NBEA: variants seen among roughly 807,000 people sequenced by gnomAD.
NBEA encodes the protein lysosomal-trafficking regulator 2.
A neutral mutation model predicts 343.4 loss-of-function variants in NBEA; 44 were observed. That is an observed-to-expected ratio of 0.13 (90% CI 0.10 to 0.16). The LOEUF (loss-of-function observed/expected upper bound fraction) is 0.16, where lower values mean the gene tolerates loss of function less well. Ranked by LOEUF, NBEA falls within the 10% of genes least tolerant of loss-of-function variation. The probability of loss-of-function intolerance (pLI) is 1.00; values close to 1 mark genes in which losing one functional copy is unlikely to be tolerated. For missense variants in NBEA, 2,555 were observed against 3,631.3 expected (o/e 0.70, Z 7.62); for synonymous variants, 1,175 against 1,238.7 (o/e 0.95, Z 1.08).
At chr13:35,323,362 C>T (rs1371636087) in intron 36 of NBEA, among the ~76,000 whole-genome samples, 1 of 151,894 alleles carries the variant, frequency 6.6e-6, no homozygotes, top group Non-Finnish European at 1.5e-5. Context: ...GGCACTTATA[C>T]ACCATGGAAT....
intron 40 of NBEA, among the ~76,000 whole-genome samples, chr13:35,456,369 T>A (rs1406277400): frequency 1.3e-5 from 2 of 152,070 alleles, no homozygotes; most frequent in East Asian, 3.8e-4. Context: ...ATGATTATAA[T>A]ATAGAAGTAT....
At position 35,232,474 on chromosome 13, in the gene NBEA, A is replaced by G. The variant is rs1593855916; in HGVS notation, c.5649-18A>G. On this transcript the variant is annotated intron_variant, in intron 33 of 58. Coordinates refer to ENST00000379939, the MANE Select transcript of NBEA (RefSeq NM_001385012.1). The stretch of plus-strand genomic sequence containing the variant: ...TATTGAATTATATTTATTAGTTTTT[A>G]TGTCTTAATTTCAACAGCATCACTG... 11 of 1,488,076 alleles carry G rather than the reference A, an allele frequency of 7.4e-6. No homozygotes were observed. Among genetic ancestry groups the G allele is most frequent in the East Asian group, 2.5e-5 (1 of 40,346 alleles). 92.2% of individuals were successfully genotyped at this position (1,488,076 alleles called of 1,614,324 possible).
intron 44 of NBEA, among the ~76,000 whole-genome samples, chr13:35,560,961 A>G (rs2079832055): frequency 6.6e-6 from 1 of 152,138 alleles, no homozygotes; most frequent in Non-Finnish European, 1.5e-5. Flanking sequence ...ATAAGTTCTG[A>G]TTCAGTAGGC....
chr13:35,377,467 T>C (rs1294830432), intron 38 of NBEA, among the ~76,000 whole-genome samples: 2 of 152,218 alleles, frequency 1.3e-5, no homozygotes. Context: ...TAATCTTGAT[T>C]CACTGTAGTT....
intron 49 of NBEA, among the ~76,000 whole-genome samples, chr13:35,640,826 A>G (rs766308942): frequency 3.9e-5 from 6 of 152,000 alleles, no homozygotes; most frequent in Non-Finnish European, 5.9e-5. Flanking sequence ...TCATTTGTGC[A>G]TAACTCACTT....
chr13:35,537,465 G>GA lies in NBEA; in HGVS notation c.6586-13004dup, dbSNP rs77413636. ...AGTAATAGAGATACAGTAATGAGAA[G>GA]AAAAAAAATGGTCAAAAAGCTTATA... On this transcript the variant is annotated intron_variant, in intron 41 of 58. Coordinates refer to ENST00000379939, the MANE Select transcript of NBEA (RefSeq NM_001385012.1). 5.9e-5 allele frequency among the ~76,000 whole-genome samples: 9 copies of GA among 151,410 alleles called. No individual in the cohort carries two copies. The South Asian group carries it at 1.0e-3, about 18-fold the overall frequency.
At chr13:35,291,837 T>C (rs1303867092) in intron 35 of NBEA, among the ~76,000 whole-genome samples, 2 of 151,896 alleles carry the variant, frequency 1.3e-5, no homozygotes, top group Non-Finnish European at 2.9e-5. Context: ...GCCTCAGATA[T>C]TGATTGAAAG....
chr13:35,551,417 T>C (rs1291835378), intron 43 of NBEA, among the ~76,000 whole-genome samples: 1 of 152,204 alleles, frequency 6.6e-6, no homozygotes, highest in African/African-American at 2.4e-5. Flanking sequence ...TAAATGCTTC[T>C]TAATTAAAAC....
chr13:35,420,649 TG>T, intron 38 of NBEA, among the ~76,000 whole-genome samples: 1 of 152,148 alleles, frequency 6.6e-6, no homozygotes, highest in East Asian at 1.9e-4. Flanking sequence ...CCTGGAGATT[TG>T]GGGAAAGAGG....
chr13:35,567,106 T>A, intron 45 of NBEA, 89 bp downstream of exon 45: 1 of 625,782 alleles, frequency 1.6e-6, no homozygotes, highest in Non-Finnish European at 2.7e-6. Context: ...CAGTTAATGT[T>A]TGTAAGAAGG....
chr13:35,175,024 C>A (rs918277054), intron 27 of NBEA, among the ~76,000 whole-genome samples: 14 of 151,902 alleles, frequency 9.2e-5, no homozygotes, highest in Non-Finnish European at 1.9e-4. Context: ...ATCTCTTGAC[C>A]TCATGATCAC....
In NBEA at chr13:35,084,461, A is replaced by G. The variant is rs559563468; in HGVS notation, c.1571+13609A>G. Among the ~76,000 whole-genome samples the G allele has an allele frequency of 3.0e-4, 46 of 152,332 alleles. No homozygotes were observed. In the South Asian group the frequency reaches 8.5e-3, roughly 28 times the overall value. On this transcript the variant is annotated intron_variant, in intron 10 of 58. Transcript: ENST00000379939. ...AACCGCTCAACTACATGGAAACTGA[A>G]CAACCTGCTCCTGAATGACTACTGG...
intron 42 of NBEA, 56 bp downstream of exon 42, chr13:35,550,650 T>G (rs771356824): frequency 1.9e-6 from 2 of 1,069,944 alleles, no homozygotes; most frequent in East Asian, 4.9e-5. Context: ...TATTATTCAT[T>G]TACATGGTAT....
intron 48 of NBEA, among the ~76,000 whole-genome samples, chr13:35,619,446 T>G (rs769268423): frequency 1.9e-4 from 29 of 152,104 alleles, no homozygotes; most frequent in Non-Finnish European, 3.5e-4. Flanking sequence ...ACAGCAGAAC[T>G]GCAACCGCTT....
Position 35,160,025 on chromosome 13 carries a change from C to T in NBEA, c.3854C>T (p.Thr1285Met), listed in dbSNP as rs751732631. ...KEIRKIQTTT[T>M]TQAVQGRSIT... Reference sequence around the variant, plus strand: ...ATCCGAAAAATCCAAACAACTACTACGACACAAGTAAGCTACCTTATATGA... The same window carrying T: ...ATCCGAAAAATCCAAACAACTACTATGACACAAGTAAGCTACCTTATATGA... The change falls in exon 22 of 59, where the codon ACG becomes ATG. Residue 1285 changes from threonine (T) to methionine (M), a missense_variant. This residue lies in a region of NBEA where 367 missense variants were observed against 377.5 expected (regional missense o/e 0.97). Transcript: ENST00000379939. The T allele has an allele frequency of 1.9e-6, 3 of 1,572,054 alleles. No homozygotes were observed. Among genetic ancestry groups the T allele is most frequent in the Non-Finnish European group, 1.7e-6 (2 of 1,162,058 alleles).
intron 38 of NBEA, among the ~76,000 whole-genome samples, chr13:35,385,510 G>A (rs1189068064): frequency 6.6e-6 from 1 of 152,034 alleles, no homozygotes; most frequent in South Asian, 2.1e-4. Context: ...ACCAGCCTGG[G>A]CAACATAGCA....
intron 1 of NBEA, among the ~76,000 whole-genome samples, chr13:34,950,771 A>G (rs1012261754): frequency 9.2e-5 from 14 of 152,122 alleles, no homozygotes; most frequent in African/African-American, 2.7e-4. Flanking sequence ...AAGGCAACAG[A>G]TAACATGAAA....
intron 41 of NBEA, among the ~76,000 whole-genome samples, chr13:35,489,066 G>A (rs1298032926): frequency 6.6e-6 from 1 of 150,802 alleles, no homozygotes; most frequent in Non-Finnish European, 1.5e-5. Flanking sequence ...GCAGGCGCAT[G>A]TTTTTATTTG....
intron 44 of NBEA, among the ~76,000 whole-genome samples, chr13:35,563,162 GATA>G (rs2079962171): frequency 6.6e-6 from 1 of 151,080 alleles, no homozygotes; most frequent in Non-Finnish European, 1.5e-5. Context: ...TAGATAGATA[GATA>G]GATAGATAGA....
Sources: allele counts gnomAD v4.1 joint callset (sites outside exome capture counted in the v4.1 genomes callset), GRCh38; gene constraint gnomAD v4.1.1; regional missense constraint gnomAD v4.1.1; transcripts MANE v1.5; gene names NCBI Gene and HGNC (gene_info 2026-07-23, HGNC 2026-07-21).